ADGRL2: variants seen among roughly 807,000 people sequenced by gnomAD.
The protein encoded by ADGRL2 is calcium-independent alpha-latrotoxin receptor 2.
ADGRL2 carries 44 observed loss-of-function variants against 157.4 expected under a neutral mutation model. The ratio of observed to expected loss-of-function variants is 0.28; its 90% confidence interval spans 0.22 to 0.36. The LOEUF is 0.36. ADGRL2 is among the 10% of genes least tolerant of loss of function. The probability of loss-of-function intolerance (pLI) is 1.00; values close to 1 mark genes in which losing one functional copy is unlikely to be tolerated. For synonymous variants in ADGRL2, 585 were observed against 624.7 expected, an observed-to-expected ratio of 0.94 and a Z score of 0.95; for missense variants, 1,510 against 1,768.9, an observed-to-expected ratio of 0.85 and a Z score of 2.63.
intron 1 of ADGRL2, among the ~76,000 whole-genome samples, chr1:81,381,115 C>T (rs1224604369): frequency 2.0e-5 from 3 of 151,402 alleles, no homozygotes; most frequent in Non-Finnish European, 3.0e-5. Context: ...TCAGATTATT[C>T]CTTGCTTACC....
intron 1 of ADGRL2, among the ~76,000 whole-genome samples, chr1:81,372,883 A>G (rs2100997347): frequency 6.6e-6 from 1 of 152,334 alleles, no homozygotes. Context: ...ACAGCTTAGT[A>G]TAGAACTGTA....
At chr1:81,403,667 TAAAA>T (rs2076802366) in intron 1 of ADGRL2, among the ~76,000 whole-genome samples, 1 of 152,174 alleles carries the variant, frequency 6.6e-6, no homozygotes, top group Non-Finnish European at 1.5e-5. Flanking sequence ...AAAATGGGTT[TAAAA>T]TTTAGAGATG....
intron 3 of ADGRL2, among the ~76,000 whole-genome samples, chr1:81,584,682 G>A (rs1296244756): frequency 6.6e-6 from 1 of 152,048 alleles, no homozygotes; most frequent in African/African-American, 2.4e-5. Flanking sequence ...TGTTGAAATG[G>A]CCTGTCATAT....
chr1:81,503,031 T>A, intron 2 of ADGRL2: 1 of 1,612,222 alleles, frequency 6.2e-7, no homozygotes, highest in African/African-American at 1.3e-5. Context: ...AGCAGGCTGG[T>A]ACTCGGACCG....
At chr1:81,387,336 A>G (rs1297613100) in intron 1 of ADGRL2, among the ~76,000 whole-genome samples, 1 of 152,156 alleles carries the variant, frequency 6.6e-6, no homozygotes, top group Non-Finnish European at 1.5e-5. Context: ...ATACCAGCAA[A>G]GTACTTCTGT....
chr1:81,924,170 A>G (rs1049836682), intron 3 of ADGRL2, among the ~76,000 whole-genome samples: 1 of 152,166 alleles, frequency 6.6e-6, no homozygotes, highest in Non-Finnish European at 1.5e-5. Flanking sequence ...CCTCAAGTAT[A>G]TAACAGGGAG....
rs551029544 is a variant in ADGRL2 at position 81,485,855 on chromosome 1, A to G, written c.-248+40766A>G. 1.8e-3 allele frequency among the ~76,000 whole-genome samples: 269 copies of G among 152,330 alleles called. 4 individuals are homozygous for G. The highest frequency in any genetic ancestry group is 6.1e-3 in the African/African-American group (252 of 41,580). The stretch of plus-strand genomic sequence containing the variant: ...GTATAAATGATGAATCAAGTGAAGG[A>G]CTGAGGATCAAAGACCATCAGCACA... On this transcript the variant is annotated intron_variant, in intron 2 of 24. Transcript: ENST00000370721.
intron 1 of ADGRL2, among the ~76,000 whole-genome samples, chr1:81,384,061 C>T (rs527624111): frequency 1.1e-4 from 16 of 152,088 alleles, no homozygotes; most frequent in African/African-American, 3.6e-4. Context: ...AAGGCACAAA[C>T]TCCACTCCAT....
At chr1:81,531,989 T>C (rs2079611158) in intron 2 of ADGRL2, among the ~76,000 whole-genome samples, 1 of 152,176 alleles carries the variant, frequency 6.6e-6, no homozygotes, top group African/African-American at 2.4e-5. Context: ...CTTTTCATCA[T>C]CCCAAATAAC....
At chr1:81,470,842 G>T (rs1213002893) in intron 2 of ADGRL2, among the ~76,000 whole-genome samples, 3 of 152,176 alleles carry the variant, frequency 2.0e-5, no homozygotes, top group Admixed American at 6.5e-5. Flanking sequence ...AAGTTGAAAG[G>T]AAGAATACAA....
chr1:81,614,890 G>A (rs1398843923), intron 3 of ADGRL2, among the ~76,000 whole-genome samples: 1 of 151,758 alleles, frequency 6.6e-6, no homozygotes, highest in Non-Finnish European at 1.5e-5. Context: ...GCATGTACCT[G>A]TAGTCCCAGC....
intron 1 of ADGRL2, among the ~76,000 whole-genome samples, chr1:81,338,218 C>A (rs1321488701): frequency 2.0e-5 from 3 of 152,004 alleles, no homozygotes; most frequent in Admixed American, 1.3e-4. Context: ...CAAAAATTAG[C>A]TGGACTCTGT....
chr1:81,565,347 C>T lies in ADGRL2; in HGVS notation c.-247-15529C>T, dbSNP rs544916660. 1.2e-4 allele frequency among the ~76,000 whole-genome samples: 19 copies of T among 152,308 alleles called. No individual in the cohort carries two copies. In the East Asian group the frequency reaches 3.5e-3, roughly 28 times the overall value. On this transcript the variant is annotated intron_variant, in intron 2 of 24. Coordinates refer to the ADGRL2 transcript ENST00000370721. ...AATGTTAAGAACAGCACTTAGCATG[C>T]TATTTCACTATCTTATTAGAGCAAT... is the stretch of plus-strand genomic sequence containing the variant.
chr1:81,321,980 G>C (rs2100627179), intron 1 of ADGRL2, among the ~76,000 whole-genome samples: 1 of 150,880 alleles, frequency 6.6e-6, no homozygotes, highest in East Asian at 1.9e-4. Context: ...ATTTTTAAAA[G>C]CAAATGCTAA....
At chr1:81,569,122 C>T (rs1285055368) in intron 2 of ADGRL2, among the ~76,000 whole-genome samples, 1 of 152,118 alleles carries the variant, frequency 6.6e-6, no homozygotes, top group Non-Finnish European at 1.5e-5. Flanking sequence ...TAGGTGGGTA[C>T]TGGTATTCAG....
intron 3 of ADGRL2, among the ~76,000 whole-genome samples, chr1:81,690,846 A>G (rs924484367): frequency 6.6e-6 from 1 of 152,240 alleles, no homozygotes; most frequent in African/African-American, 2.4e-5. Context: ...CATTCAGAAT[A>G]CGACTTCAAG....
intron 3 of ADGRL2, among the ~76,000 whole-genome samples, chr1:81,611,816 T>C (rs1437824554): frequency 6.6e-6 from 1 of 152,082 alleles, no homozygotes; most frequent in East Asian, 1.9e-4. Flanking sequence ...TCCCCACGTG[T>C]TGAGGAAGGG....
intron 4 of ADGRL2, among the ~76,000 whole-genome samples, chr1:81,941,754 T>G (rs1355157528): frequency 2.6e-5 from 4 of 151,810 alleles, no homozygotes; most frequent in Admixed American, 6.6e-5. Flanking sequence ...CATTATTTAT[T>G]CAGGTACACT....
intron 3 of ADGRL2, among the ~76,000 whole-genome samples, chr1:81,603,376 T>C (rs2081372507): frequency 6.6e-6 from 1 of 152,178 alleles, no homozygotes; most frequent in Admixed American, 6.5e-5. Context: ...AATGCATGTG[T>C]GTGTGATGAT....
Sources: gnomAD v4.1 joint callset for allele counts (sites outside exome capture counted in the v4.1 genomes callset) on GRCh38, gnomAD v4.1.1 for gene constraint, MANE v1.5 for transcripts, NCBI Gene and HGNC (gene_info 2026-07-23, HGNC 2026-07-21) for gene names.